The following KIF1A variants were observed in gnomAD, a reference collection of about 807,000 sequenced individuals.
KIF1A encodes kinesin family member 1A.
A neutral mutation model predicts 227.3 loss-of-function variants in KIF1A; 46 were observed. The ratio of observed to expected loss-of-function variants is 0.20; its 90% CI spans 0.16 to 0.26. The LOEUF (loss-of-function observed/expected upper bound fraction) is 0.26. Ranked by LOEUF, KIF1A falls within the 10% of genes least tolerant of loss-of-function variation. KIF1A has a pLI of 1.00. For synonymous variants in KIF1A, 1,022 were observed against 1,012.8 expected (o/e 1.01, Z -0.17); for missense variants, 1,683 against 2,485.9 (o/e 0.68, Z 6.87).
chr2:240,811,746 G>A (rs961860087), intron 1 of KIF1A, among the ~76,000 whole-genome samples: 1 of 152,180 alleles, frequency 6.6e-6, no homozygotes, highest in African/African-American at 2.4e-5. Context: ...GGGTGGCAGG[G>A]AGGAAGCCAG....
intron 38 of KIF1A, chr2:240,728,419 G>A (rs1284083302): frequency 7.7e-7 from 1 of 1,301,510 alleles, no homozygotes; most frequent in Non-Finnish European, 1.0e-6. Flanking sequence ...AACGCTAAAG[G>A]TGGAGGCAGC....
At chr2:240,786,958 C>A (rs1385945113) in intron 5 of KIF1A, among the ~76,000 whole-genome samples, 1 of 152,172 alleles carries the variant, frequency 6.6e-6, no homozygotes, top group Non-Finnish European at 1.5e-5. Context: ...GCCAGGGCCA[C>A]CCCAGCCACG....
rs956644636 is a variant in KIF1A, at chr2:240,789,067, A to T, written c.183+169T>A. ...AGGCCCCTCAGTTCCTGCAGCCTCC[A>T]TCACTGCCTTCGCTGAGGACCGCTC... On this transcript the variant is annotated intron_variant, in intron 3 of 48. Transcript: ENST00000498729. The surrounding 1 kb of genome is among the most constrained non-coding windows in gnomAD (Gnocchi z 4.8). Among the ~76,000 whole-genome samples, 3 of 152,204 alleles carry T rather than the reference A, an allele frequency of 2.0e-5. No individual in the cohort carries two copies. The highest frequency in any genetic ancestry group is 2.0e-4 in the Admixed American group (3 of 15,292).
chr2:240,732,835 A>T (rs2046896654), intron 38 of KIF1A, among the ~76,000 whole-genome samples: 1 of 103,592 alleles, frequency 9.7e-6, no homozygotes, highest in African/African-American at 3.9e-5. Context: ...AGGGGGAATG[A>T]GAAAAGGATA....
intron 45 of KIF1A, 161 bp from the exon 46 acceptor site, chr2:240,720,087 C>CA (rs2045120709): frequency 1.7e-6 from 1 of 595,818 alleles, no homozygotes; most frequent in Admixed American, 3.9e-5. Context: ...GGGGCCCGTC[C>CA]ACCAGGATAG....
chr2:240,722,423 G>T (rs976947842), intron 43 of KIF1A, 33 bp downstream of exon 43: 2 of 1,539,646 alleles, frequency 1.3e-6, no homozygotes, highest in East Asian at 4.9e-5. Flanking sequence ...AGGGCCTGGG[G>T]CTACGGCTGT....
In KIF1A at chr2:240,726,528, T is replaced by C. The variant is rs2125630445; in HGVS notation, c.4122+298A>G. Among the ~76,000 whole-genome samples, 1 of 152,250 alleles carries C rather than the reference T, an allele frequency of 6.6e-6. No homozygotes were observed. The highest frequency in any genetic ancestry group is 1.9e-4 in the East Asian group (1 of 5,176). ...TGGGAGGCTGAGGCAGGAGAATCGC[T>C]TGAGCCTGGGAAGCGGAGGTTGCAG... On this transcript the variant is annotated intron_variant, in intron 39 of 48. Coordinates refer to ENST00000498729, the MANE Select transcript of KIF1A (RefSeq NM_001244008.2). This position sits in a 1 kb window ranked among gnomAD's most constrained non-coding sequence, Gnocchi z 5.2.
At position 240,790,551 on chromosome 2, in the gene KIF1A, G is replaced by T. The variant is rs983520439; in HGVS notation, c.107-1239C>A. 4.6e-5 allele frequency among the ~76,000 whole-genome samples: 7 copies of T among 151,978 alleles called. No homozygotes were observed. The East Asian group carries it at 1.4e-3, about 29-fold the overall frequency. ...ATGCCCCAGTTACGAGTTAAACTGT[G>T]TCCCCCTAATTTCATATTTTGAAGC... is the stretch of plus-strand genomic sequence containing the variant. On this transcript the variant is annotated intron_variant, in intron 2 of 48. Transcript: ENST00000498729. This position sits in a 1 kb window ranked among gnomAD's most constrained non-coding sequence, Gnocchi z 5.0.
At position 240,788,365 on chromosome 2, in the gene KIF1A, C is replaced by T. The variant is rs1447183070; in HGVS notation, c.184-135G>A. 1.3e-5 allele frequency: 10 copies of T among 746,742 alleles called. No homozygotes were observed. The highest frequency in any genetic ancestry group is 3.0e-4 in the Middle Eastern group (1 of 3,384). 46.3% of individuals were successfully genotyped at this position (746,742 alleles called of 1,614,324 possible). Reference sequence around the variant, plus strand: ...CACAGTGGGGAGGGATGCCTGCCCCCCATCCTACTCCTGCCTTGTGGGGTA... The same window carrying T: ...CACAGTGGGGAGGGATGCCTGCCCCTCATCCTACTCCTGCCTTGTGGGGTA... On this transcript the variant is annotated intron_variant, in intron 3 of 48. Transcript: ENST00000498729. The surrounding 1 kb of genome is among the most constrained non-coding windows in gnomAD (Gnocchi z 6.6).
In KIF1A at chr2:240,766,706, C is replaced by A. The variant is rs1470611666; in HGVS notation, c.1684+209G>T. ...TGTTTTTAAGGCTGGCCCCAAATATCTCTCTCTCTCTCCAAATCTCTCTCT... is the reference window on the plus strand; with the variant it reads ...TGTTTTTAAGGCTGGCCCCAAATATATCTCTCTCTCTCCAAATCTCTCTCT... On this transcript the variant is annotated intron_variant, in intron 19 of 48. Coordinates refer to ENST00000498729, the MANE Select transcript of KIF1A (RefSeq NM_001244008.2). The surrounding 1 kb of genome is among the most constrained non-coding windows in gnomAD (Gnocchi z 5.0). Among the ~76,000 whole-genome samples, 1 of 150,530 alleles carries A rather than the reference C, an allele frequency of 6.6e-6. No homozygotes were observed. The highest frequency in any genetic ancestry group is 2.5e-5 in the African/African-American group (1 of 40,616).
At chr2:240,734,886 C>T (rs1002227958) in intron 38 of KIF1A, 13 of 568,806 alleles carry the variant, frequency 2.3e-5, no homozygotes, top group South Asian at 9.3e-5. Context: ...GGCCTGGGAG[C>T]GGGCAGGAGG....
intron 25 of KIF1A, among the ~76,000 whole-genome samples, chr2:240,760,330 C>T (rs575309989): frequency 1.3e-4 from 20 of 152,394 alleles, no homozygotes; most frequent in Middle Eastern, 3.4e-3. Flanking sequence ...CTCCGCCAGC[C>T]TGTTCTGTCG....
At chr2:240,794,244 C>T (rs1044658422) in intron 2 of KIF1A, among the ~76,000 whole-genome samples, 3 of 152,240 alleles carry the variant, frequency 2.0e-5, no homozygotes, top group Non-Finnish European at 2.9e-5. Context: ...AGATTTCTGA[C>T]ATAGCTTCCA....
chr2:240,789,209 C>T lies in KIF1A; in HGVS notation c.183+27G>A. On this transcript the variant is annotated intron_variant, in intron 3 of 48. Transcript: ENST00000498729. The surrounding 1 kb of genome is among the most constrained non-coding windows in gnomAD (Gnocchi z 4.8). ...ATGGCCTATGCACTGCTGCCCCCGC[C>T]TCCCCCGACCCGGGGTCCCGGCTTA... 1 of 1,598,660 alleles carries T rather than the reference C, an allele frequency of 6.3e-7. No homozygotes were observed. Among genetic ancestry groups the T allele is most frequent in the Non-Finnish European group, 8.6e-7 (1 of 1,166,068 alleles).
Position 240,725,487 on chromosome 2 carries a change from T to A in KIF1A, c.4123-83A>T. 2 of 1,494,308 alleles carry A rather than the reference T, an allele frequency of 1.3e-6. No homozygotes were observed. The highest frequency in any genetic ancestry group is 1.8e-6 in the Non-Finnish European group (2 of 1,095,230). 92.6% of individuals were successfully genotyped at this position (1,494,308 alleles called of 1,614,324 possible). A position where few individuals can be genotyped will look rare whatever the true frequency, so the allele number is the denominator to read the frequency against. The stretch of plus-strand genomic sequence containing the variant: ...TTCCAGCCTTCTCCTGGGGGCACAA[T>A]GCCCAGCACCGACAGGCAGCCCCAG... On this transcript the variant is annotated intron_variant, in intron 39 of 48. Coordinates refer to ENST00000498729, the MANE Select transcript of KIF1A (RefSeq NM_001244008.2). This position sits in a 1 kb window ranked among gnomAD's most constrained non-coding sequence, Gnocchi z 5.8.
At chr2:240,820,830 G>A (rs548940468), upstream of KIF1A, among the ~76,000 whole-genome samples, 295 of 152,226 alleles carry the variant, frequency 1.9e-3, no homozygotes, top group African/African-American at 7.0e-3. The surrounding 1 kb of genome is among the most constrained non-coding windows in gnomAD (Gnocchi z 6.2). Context: ...ACCCGCCCGC[G>A]GACCCGCCGC....
intron 1 of KIF1A, among the ~76,000 whole-genome samples, chr2:240,817,839 G>A (rs897476210): frequency 6.6e-6 from 1 of 152,208 alleles, no homozygotes; most frequent in African/African-American, 2.4e-5. Flanking sequence ...TACTCCCAAA[G>A]GGCATGGTGG....
chr2:240,764,334 C>G (rs2050883467), intron 20 of KIF1A, among the ~76,000 whole-genome samples: 1 of 152,152 alleles, frequency 6.6e-6, no homozygotes, highest in African/African-American at 2.4e-5. Flanking sequence ...CCACAGGCAC[C>G]AGGGCCAACC....
Position 240,789,256 on chromosome 2 carries a change from A to C in KIF1A, c.163T>G (p.Ser55Ala), listed in dbSNP as rs2055347989. The C allele has an allele frequency of 6.2e-7, 1 of 1,613,670 alleles. No individual in the cohort carries two copies. Among genetic ancestry groups the C allele is most frequent in the Non-Finnish European group, 8.5e-7 (1 of 1,179,744 alleles). Reference protein sequence around the residue: ...ETPKSFSFDYSYWSHTSPEDI... With the variant: ...ETPKSFSFDYAYWSHTSPEDI... Reference sequence around the variant, plus strand: ...CTTACTGAGGTGTGCGACCAGTAGGAGTAGTCAAAGCTGAAGCTTTTGGGC... The same window carrying C: ...CTTACTGAGGTGTGCGACCAGTAGGCGTAGTCAAAGCTGAAGCTTTTGGGC... The change falls in exon 3 of 49, where the codon TCC becomes GCC. Residue 55 changes from serine (S) to alanine (A), a missense_variant. This residue lies in a region of KIF1A where 71 missense variants were observed against 129.1 expected (regional missense o/e 0.55). Coordinates refer to ENST00000498729, the MANE Select transcript of KIF1A (RefSeq NM_001244008.2). This position sits in a 1 kb window ranked among gnomAD's most constrained non-coding sequence, Gnocchi z 4.8.
Sources: allele counts gnomAD v4.1 joint callset (sites outside exome capture counted in the v4.1 genomes callset), GRCh38; gene constraint gnomAD v4.1.1; regional missense constraint gnomAD v4.1.1; non-coding constraint Gnocchi (gnomAD v3.1); transcripts MANE v1.5; gene names NCBI Gene and HGNC (gene_info 2026-07-23, HGNC 2026-07-21).